TIMM21: variants seen among roughly 807,000 people sequenced by gnomAD.
TIMM21 encodes mitochondrial import inner membrane translocase subunit Tim21.
TIMM21 carries 30 observed loss-of-function variants against 27.7 expected under a neutral mutation model. The observed-to-expected ratio is 1.08, with a 90% CI of 0.81 to 1.47. The LOEUF is 1.47. TIMM21 is among the 40% of genes most tolerant of loss of function. The probability of loss-of-function intolerance (pLI) is 0.00; values close to 1 mark genes in which losing one functional copy is unlikely to be tolerated. For missense variants in TIMM21, 292 were observed against 302.9 expected (o/e 0.96, Z 0.27); for synonymous variants, 121 against 114.4 (o/e 1.06, Z -0.37).
rs1459452069 is a variant in TIMM21 at position 74,156,090 on chromosome 18, G to A, written c.462+687G>A. ...TTTAGATGTGACCTTCCAGTCACAC[G>A]TAGCCGGTGTGGCCTGGGAAGTGTC... On this transcript the variant is annotated intron_variant, in intron 3 of 5. Transcript: ENST00000169551. 2.8e-5 allele frequency: 11 copies of A among 393,488 alleles called. No individual in the cohort carries two copies. In the South Asian group the frequency reaches 4.3e-4, roughly 15 times the overall value. 24.4% of individuals were successfully genotyped at this position (393,488 alleles called of 1,614,324 possible). A position where few individuals can be genotyped will look rare whatever the true frequency, so the allele number is the denominator to read the frequency against.
At chr18:74,154,256 C>A (rs1195374688) in intron 1 of TIMM21, among the ~76,000 whole-genome samples, 1 of 152,194 alleles carries the variant, frequency 6.6e-6, no homozygotes, top group South Asian at 2.1e-4. Flanking sequence ...TATATTCTGT[C>A]CCCTGACACT....
In TIMM21 at chr18:74,148,585, CT is replaced by C; in HGVS notation, c.-223del. ...TGTCAGCCCAGAAGGTGATCAGAGC[CT>C]GTTAATTAAAATGGAAAGAAGACAG... On this transcript the variant is annotated 5_prime_UTR_variant, in exon 1 of 6. An upstream open reading frame in the 5' UTR loses its in-frame stop. Coordinates refer to ENST00000169551, the MANE Select transcript of TIMM21 (RefSeq NM_014177.3). The C allele has an allele frequency of 2.1e-6, 1 of 473,832 alleles. No individual in the cohort carries two copies. The highest frequency in any genetic ancestry group is 3.8e-6 in the Non-Finnish European group (1 of 263,868). 29.4% of individuals were successfully genotyped at this position (473,832 alleles called of 1,614,324 possible). A position where few individuals can be genotyped will look rare whatever the true frequency, so the allele number is the denominator to read the frequency against.
chr18:74,151,945 C>CCG (rs1555682320), intron 1 of TIMM21, among the ~76,000 whole-genome samples: 7 of 145,340 alleles, frequency 4.8e-5, no homozygotes, highest in African/African-American at 1.6e-4. Flanking sequence ...GTTCCCCCCC[C>CCG]CCCCGGGGGG....
At chr18:74,154,985 T>A (rs969010769) in intron 1 of TIMM21, 160 bp from the exon 2 acceptor site, 2 of 653,488 alleles carry the variant, frequency 3.1e-6, no homozygotes, top group Non-Finnish European at 5.5e-6. Flanking sequence ...GCTGAGGCGC[T>A]GACACACAGG....
At chr18:74,156,303 A>C in intron 3 of TIMM21, 1 of 398,668 alleles carries the variant, frequency 2.5e-6, no homozygotes, top group Non-Finnish European at 4.4e-6. Context: ...AAGAGGAGAA[A>C]GATTTCAATC....
chr18:74,155,271 T>A (rs775158256), intron 2 of TIMM21, 35 bp from the exon 3 acceptor site: 3 of 1,612,346 alleles, frequency 1.9e-6, no homozygotes, highest in Non-Finnish European at 2.5e-6. Context: ...TATGTTGCCC[T>A]TGCTTCGCTT....
intron 1 of TIMM21, among the ~76,000 whole-genome samples, chr18:74,153,560 A>G (rs1022767760): frequency 6.6e-6 from 1 of 152,254 alleles, no homozygotes; most frequent in African/African-American, 2.4e-5. Flanking sequence ...TCGTCATTGT[A>G]GGCCCCAACT....
chr18:74,155,137 C>T lies in TIMM21; in HGVS notation c.302-8C>T. On this transcript the variant is annotated splice_polypyrimidine_tract_variant and splice_region_variant and intron_variant, in intron 1 of 5. Coordinates refer to ENST00000169551, the MANE Select transcript of TIMM21 (RefSeq NM_014177.3). The stretch of plus-strand genomic sequence containing the variant: ...CACCCGTAACCCATTGGTGTTTTCT[C>T]TTCACAGTGAAAGAAGCCGGAAGAG... The T allele has an allele frequency of 6.2e-7, 1 of 1,614,116 alleles. No homozygotes were observed. The highest frequency in any genetic ancestry group is 8.5e-7 in the Non-Finnish European group (1 of 1,179,940).
At chr18:74,151,943 C>CCCG (rs1555682308) in intron 1 of TIMM21, among the ~76,000 whole-genome samples, 1 of 145,886 alleles carries the variant, frequency 6.9e-6, no homozygotes, top group Admixed American at 6.7e-5. Context: ...ATGTTCCCCC[C>CCCG]CCCCCCGGGG....
Position 74,155,212 on chromosome 18 carries a change from CA to C in TIMM21, c.364+11del. Reference sequence around the variant, plus strand: ...TTTTTGGAATCAGCATTACAGGTTGCAAAAAACAGCAAGTATAAGCCCTTGA... The same window carrying C: ...TTTTTGGAATCAGCATTACAGGTTGCAAAAACAGCAAGTATAAGCCCTTGA... On this transcript the variant is annotated splice_donor_region_variant and intron_variant, in intron 2 of 5. Coordinates refer to ENST00000169551, the MANE Select transcript of TIMM21 (RefSeq NM_014177.3). 6.2e-7 allele frequency: 1 copy of C among 1,613,700 alleles called. No homozygotes were observed. The highest frequency in any genetic ancestry group is 8.5e-7 in the Non-Finnish European group (1 of 1,179,856).
At position 74,158,395 on chromosome 18, in the gene TIMM21, ATGATT is replaced by A. The variant is rs764279833; in HGVS notation, c.664_668del (p.Asp222SerfsTer8). 2.4e-4 allele frequency: 382 copies of A among 1,606,360 alleles called. No homozygotes were observed. The highest frequency in any genetic ancestry group is 3.1e-4 in the Non-Finnish European group (360 of 1,174,842). On this transcript the variant is annotated frameshift_variant, in exon 6 of 6. Transcript: ENST00000169551. LOFTEE classifies it low-confidence loss of function (END_TRUNC). The stretch of plus-strand genomic sequence containing the variant: ...TTTCAGAACCCAGGAAGTGGTGAAT[ATGATT>A]TTCGATATATATTTGTAGAAATTGA...
rs377283715 is a variant in TIMM21, at chr18:74,158,069, G to T, written c.518G>T (p.Gly173Val). ...GGCTATGGGGAGGTGACAAGGCGGG[G>T]TCGCCGGCAGCATGTCAGGTACTGT... Reference protein sequence around the residue: ...VKGYGEVTRRGRRQHVRFTEY... With the variant: ...VKGYGEVTRRVRRQHVRFTEY... Residue 173 changes from glycine to valine, a missense_variant, in exon 4 of 6, where the codon GGT becomes GTT. Physicochemically the swap from Gly to Val is moderately radical, Grantham distance 109 (BLOSUM62 -3). Transcript: ENST00000169551. The T allele has an allele frequency of 3.1e-6, 5 of 1,614,214 alleles. No individual in the cohort carries two copies. Among genetic ancestry groups the T allele is most frequent in the East Asian group, 2.2e-5 (1 of 44,882 alleles).
chr18:74,155,637 A>G, intron 3 of TIMM21: 2 of 492,120 alleles, frequency 4.1e-6, no homozygotes, highest in Non-Finnish European at 7.1e-6. Flanking sequence ...CTGGTTGTTC[A>G]TAGATACTAA....
At chr18:74,157,795 C>T (rs1037237367) in intron 3 of TIMM21, 14 of 544,972 alleles carry the variant, frequency 2.6e-5, no homozygotes, top group East Asian at 9.1e-5. Context: ...CGGGGTTTCA[C>T]CTAGTTGGCC....
chr18:74,156,370 A>G, intron 3 of TIMM21: 1 of 383,064 alleles, frequency 2.6e-6, no homozygotes, highest in Non-Finnish European at 4.4e-6. Flanking sequence ...CCGGCTCTGA[A>G]TGTTCTACCA....
In TIMM21 at chr18:74,155,301, T is replaced by A; in HGVS notation, c.365-5T>A. ...TCGCTTCATCTTTGTTTTCTGTGATTTCAGGTGGCTTGTTTTACACGATTT... is the reference window on the plus strand; with the variant it reads ...TCGCTTCATCTTTGTTTTCTGTGATATCAGGTGGCTTGTTTTACACGATTT... On this transcript the variant is annotated splice_region_variant and splice_polypyrimidine_tract_variant and intron_variant, in intron 2 of 5. Coordinates refer to ENST00000169551, the MANE Select transcript of TIMM21 (RefSeq NM_014177.3). The A allele has an allele frequency of 6.2e-7, 1 of 1,613,116 alleles. No homozygotes were observed. The highest frequency in any genetic ancestry group is 8.5e-7 in the Non-Finnish European group (1 of 1,179,812).
At chr18:74,150,084 T>C (rs1979759505) in intron 1 of TIMM21, among the ~76,000 whole-genome samples, 1 of 152,198 alleles carries the variant, frequency 6.6e-6, no homozygotes, top group African/African-American at 2.4e-5. Flanking sequence ...CACGCCCCAG[T>C]GTAGCCCCAC....
At chr18:74,150,005 A>G (rs896085688) in intron 1 of TIMM21, among the ~76,000 whole-genome samples, 6 of 152,216 alleles carry the variant, frequency 3.9e-5, no homozygotes, top group African/African-American at 1.4e-4. Flanking sequence ...GAATTCAAAC[A>G]GGCCTATGAA....
In TIMM21 at chr18:74,152,219, C is replaced by G. The variant is rs1979829796; in HGVS notation, c.302-2926C>G. 6.6e-6 allele frequency among the ~76,000 whole-genome samples: 1 copy of G among 152,116 alleles called. No individual in the cohort carries two copies. The highest frequency in any genetic ancestry group is 6.5e-5 in the Admixed American group (1 of 15,278). ...CAACATTGACCTCAAGGGCCCCCTA[C>G]CCAGCTTTAGGTTGCCTTTCCTCCC... On this transcript the variant is annotated intron_variant, in intron 1 of 5. Coordinates refer to ENST00000169551, the MANE Select transcript of TIMM21 (RefSeq NM_014177.3). The surrounding 1 kb of genome is among the most constrained non-coding windows in gnomAD (Gnocchi z 4.1).
Sources: gnomAD v4.1 joint callset for allele counts (sites outside exome capture counted in the v4.1 genomes callset) on GRCh38, gnomAD v4.1.1 for gene constraint, Gnocchi (gnomAD v3.1) non-coding constraint, MANE v1.5 for transcripts, NCBI Gene and HGNC (gene_info 2026-07-23, HGNC 2026-07-21) for gene names.